COQ10B: variants seen among roughly 807,000 people sequenced by gnomAD.
COQ10B encodes coenzyme Q-binding protein COQ10 homolog B, mitochondrial.
A neutral mutation model predicts 27.6 loss-of-function variants in COQ10B; 12 were observed. The ratio of observed to expected loss-of-function variants is 0.43; its 90% CI spans 0.28 to 0.70. COQ10B has a LOEUF of 0.70. Among genes scored for constraint, COQ10B ranks in the 30% least tolerant of loss-of-function variants. The pLI is 0.17. For synonymous variants in COQ10B, 115 were observed against 103.0 expected (o/e 1.12, Z -0.71); for missense variants, 278 against 288.7 (o/e 0.96, Z 0.27).
chr2:197,453,997 C>T (rs1559289705), intron 1 of COQ10B: 1 of 1,551,128 alleles, frequency 6.4e-7, no homozygotes, highest in Admixed American at 2.0e-5. Context: ...AAAGTTTTAA[C>T]TTTGCGCAGA....
At chr2:197,457,832 G>A (rs958468886) in intron 1 of COQ10B, among the ~76,000 whole-genome samples, 1 of 152,024 alleles carries the variant, frequency 6.6e-6, no homozygotes, top group Non-Finnish European at 1.5e-5. Flanking sequence ...ATGTTGGCCA[G>A]GCTGGTCTTG....
intron 1 of COQ10B, among the ~76,000 whole-genome samples, chr2:197,454,838 A>T (rs1023532294): frequency 6.6e-6 from 1 of 152,174 alleles, no homozygotes; most frequent in African/African-American, 2.4e-5. Context: ...GACCTTTATT[A>T]TACTTAAGTA....
rs1410096712 is a variant in COQ10B at position 197,453,936 on chromosome 2, C to T, written c.104+272C>T. 50 of 1,548,282 alleles carry T rather than the reference C, an allele frequency of 3.2e-5. 1 individual carries two copies. In the South Asian group the frequency reaches 4.3e-4, roughly 13 times the overall value. Reference sequence around the variant, plus strand: ...TTGGAAGCAATTTGGCCATTGGTGCCTTTGGGCTCTTCCGGTCTCCTCCCC... The same window carrying T: ...TTGGAAGCAATTTGGCCATTGGTGCTTTTGGGCTCTTCCGGTCTCCTCCCC... On this transcript the variant is annotated intron_variant, in intron 1 of 4. Transcript: ENST00000263960.
rs982849377 is a variant in COQ10B, at chr2:197,459,913, G to T, written c.105-19G>T. On this transcript the variant is annotated intron_variant, in intron 1 of 4. Transcript: ENST00000263960. ...AATTTTTACTGTCACTCTAAATCAG[G>T]TGATTTTTGTCTTTTCAGATATTTA... The T allele has an allele frequency of 1.3e-5, 21 of 1,560,642 alleles. No individual in the cohort carries two copies. The highest frequency in any genetic ancestry group is 4.2e-5 in the African/African-American group (3 of 71,982).
chr2:197,453,617 G>A lies in COQ10B; in HGVS notation c.57G>A (p.Pro19=). The A allele has an allele frequency of 1.9e-6, 3 of 1,613,946 alleles. No homozygotes were observed. Among genetic ancestry groups the A allele is most frequent in the Non-Finnish European group, 2.5e-6 (3 of 1,179,976 alleles). ...GAAGGGTAGTCTCGGGATGCCGTCC[G>A]AAGTCGGCGACAGCGGCCGGGGCGC... ...ALRRVVSGCR[P]KSATAAGAQA... is the part of the protein sequence containing the mutation. The change falls in exon 1 of 5, where the codon CCG becomes CCA. Residue 19 remains proline (P), a synonymous_variant. Transcript: ENST00000263960.
chr2:197,468,311 C>T (rs572091012), intron 3 of COQ10B, among the ~76,000 whole-genome samples: 2 of 151,846 alleles, frequency 1.3e-5, no homozygotes, highest in South Asian at 2.1e-4. Context: ...AGCATGGTGG[C>T]GGGCATCTGT....
At chr2:197,456,174 A>G (rs2085696000) in intron 1 of COQ10B, among the ~76,000 whole-genome samples, 2 of 152,106 alleles carry the variant, frequency 1.3e-5, no homozygotes, top group African/African-American at 4.8e-5. Flanking sequence ...AGCTAAAAAA[A>G]GTTGATCTTG....
intron 3 of COQ10B, among the ~76,000 whole-genome samples, chr2:197,467,684 G>T (rs2085839778): frequency 6.6e-6 from 1 of 152,188 alleles, no homozygotes; most frequent in Non-Finnish European, 1.5e-5. Context: ...GCCAGGTTCT[G>T]GATTTTAATA....
rs774985187 is a variant in COQ10B at position 197,453,572 on chromosome 2, G to C, written c.12G>C (p.Arg4=). 8.7e-6 allele frequency: 14 copies of C among 1,613,664 alleles called. No individual in the cohort carries two copies. The South Asian group carries it at 1.2e-4, about 14-fold the overall frequency. The part of the protein sequence containing the change: MAA[R]TGHTALRRVV... ...TCGGAGAGTCTATCATGGCAGCTCG[G>C]ACTGGTCATACGGCCTTGAGAAGGG... Residue 4 remains arginine (R), a synonymous_variant, in exon 1 of 5, where the codon CGG becomes CGC. Transcript: ENST00000263960.
chr2:197,456,491 G>A (rs1408173814), intron 1 of COQ10B, among the ~76,000 whole-genome samples: 3 of 143,348 alleles, frequency 2.1e-5, no homozygotes, highest in South Asian at 2.3e-4. Context: ...CTTGCTGGGC[G>A]CAGTGGCTCA....
chr2:197,473,508 GTA>G (rs1232204330), intron 4 of COQ10B, among the ~76,000 whole-genome samples: 6 of 114,118 alleles, frequency 5.3e-5, no homozygotes, highest in African/African-American at 2.0e-4. Context: ...ATATATATAC[GTA>G]TATATATACA....
chr2:197,460,012 G>T lies in COQ10B; in HGVS notation c.185G>T (p.Arg62Leu). 2 of 1,611,054 alleles carry T rather than the reference G, an allele frequency of 1.2e-6. No homozygotes were observed. Among genetic ancestry groups the T allele is most frequent in the Admixed American group, 1.7e-5 (1 of 59,896 alleles). The change falls in exon 2 of 5, where the codon CGA becomes CTA. Residue 62 changes from arginine to leucine, a missense_variant. Physicochemically the swap from Arg to Leu is moderately radical, Grantham distance 102. Transcript: ENST00000263960. The part of the protein sequence containing the change: ...TSILPKEICA[R>L]TFFKITAPLI... ...ATTTTGCCTAAGGAGATATGTGCAC[G>T]AACTTTCTTCAAAATCACTGCACCA...
intron 1 of COQ10B, chr2:197,454,294 C>T (rs1449544780): frequency 1.3e-5 from 8 of 595,282 alleles, no homozygotes; most frequent in Middle Eastern, 5.4e-4. Flanking sequence ...GGTCGGGACA[C>T]GGATACCATA....
chr2:197,456,723 C>A (rs548672336), intron 1 of COQ10B, among the ~76,000 whole-genome samples: 1 of 151,860 alleles, frequency 6.6e-6, no homozygotes, highest in East Asian at 1.9e-4. Context: ...CTAGATCACA[C>A]CACTGCACTC....
intron 2 of COQ10B, among the ~76,000 whole-genome samples, chr2:197,460,448 C>G (rs2085744793): frequency 6.6e-6 from 1 of 152,144 alleles, no homozygotes; most frequent in African/African-American, 2.4e-5. Flanking sequence ...GCCTTGGCCT[C>G]CCAAAGTGCT....
intron 4 of COQ10B, among the ~76,000 whole-genome samples, chr2:197,471,318 T>G (rs1427398934): frequency 1.3e-5 from 2 of 151,984 alleles, no homozygotes; most frequent in Non-Finnish European, 2.9e-5. Context: ...ATTTTTGTAT[T>G]CTATGTAGGG....
chr2:197,472,334 T>C (rs952223929), intron 4 of COQ10B, among the ~76,000 whole-genome samples: 2 of 152,166 alleles, frequency 1.3e-5, no homozygotes. Flanking sequence ...TTTCTGTTTC[T>C]GGTTGGGCCA....
At chr2:197,459,499 GA>G (rs1442238762) in intron 1 of COQ10B, among the ~76,000 whole-genome samples, 1 of 152,164 alleles carries the variant, frequency 6.6e-6, no homozygotes, top group African/African-American at 2.4e-5. Flanking sequence ...GGTCCTACCA[GA>G]TGTCTGCCAA....
chr2:197,473,864 G>A lies in COQ10B; in HGVS notation c.657G>A (p.Leu219=), dbSNP rs1397332167. 4 of 1,601,948 alleles carry A rather than the reference G, an allele frequency of 2.5e-6. No individual in the cohort carries two copies. Among genetic ancestry groups the A allele is most frequent in the Non-Finnish European group, 3.4e-6 (4 of 1,172,372 alleles). Residue 219 remains leucine, a synonymous_variant, in exon 5 of 5, where the codon CTG becomes CTA. Transcript: ENST00000263960. ...CCTTTGAAAGAAGAGCATGTAAGCT[G>A]TATGGTCCAGAAACAAATATACCTC... ...VAAFERRACK[L]YGPETNIPRE...
Sources: gnomAD v4.1 joint callset for allele counts (sites outside exome capture counted in the v4.1 genomes callset) on GRCh38, gnomAD v4.1.1 for gene constraint, MANE v1.5 for transcripts, NCBI Gene and HGNC (gene_info 2026-07-23, HGNC 2026-07-21) for gene names.